Variants in TMEM245 observed in about 807,000 individuals in gnomAD.
TMEM245 encodes the protein transmembrane protein 245, also known as protein CG-2.
In TMEM245, 69 loss-of-function variants were observed where a neutral mutation model predicts 101.2. The ratio of observed to expected loss-of-function variants is 0.68; its 90% CI spans 0.56 to 0.83. The LOEUF (loss-of-function observed/expected upper bound fraction) is 0.83, where lower values mean the gene tolerates loss of function less well. Among genes scored for constraint, TMEM245 ranks in the 40% least tolerant of loss-of-function variants. The pLI, the probability that TMEM245 is intolerant of heterozygous loss-of-function variation, is 0.00. For missense variants in TMEM245, 1,075 were observed against 1,092.8 expected (o/e 0.98, Z 0.23); for synonymous variants, 537 against 449.8 (o/e 1.19, Z -2.45).
chr9:109,074,513 GGAAA>G (rs1829435415), intron 8 of TMEM245, among the ~76,000 whole-genome samples: 1 of 152,114 alleles, frequency 6.6e-6, no homozygotes, highest in Non-Finnish European at 1.5e-5. Context: ...GATGACAGAG[GGAAA>G]GAAAGTGTAA....
intron 8 of TMEM245, among the ~76,000 whole-genome samples, chr9:109,078,206 G>A (rs980209977): frequency 1.3e-5 from 2 of 152,008 alleles, no homozygotes; most frequent in African/African-American, 2.4e-5. Context: ...CCTCTTCTTT[G>A]TGCTATGGTT....
In TMEM245 at chr9:109,093,541, T is replaced by C. The variant is rs761006472; in HGVS notation, c.850A>G (p.Asn284Asp). Residue 284 changes from asparagine to aspartate, a missense_variant, in exon 4 of 18, where the codon AAC becomes GAC. By Grantham distance (23) the Asn-to-Asp change is conservative (BLOSUM62 1). This residue lies in a region of TMEM245 where 808 missense variants were observed against 741.5 expected (regional missense o/e 1.09). Coordinates refer to ENST00000374586, the MANE Select transcript of TMEM245 (RefSeq NM_032012.4). ...VISMAASTLANLAISITGYES... is the reference protein window; with the variant it reads ...VISMAASTLADLAISITGYES... ...TACCCTGTGATAGAGATGGCCAAGT[T>C]TGCCAGAGTAGAAGCTGCCATGGAG... is the stretch of plus-strand genomic sequence containing the variant. 27 of 1,613,994 alleles carry C rather than the reference T, an allele frequency of 1.7e-5. No individual in the cohort carries two copies. The highest frequency in any genetic ancestry group is 2.7e-5 in the African/African-American group (2 of 74,918).
intron 17 of TMEM245, among the ~76,000 whole-genome samples, chr9:109,026,400 T>C (rs1364669099): frequency 6.6e-6 from 1 of 151,980 alleles, no homozygotes; most frequent in Non-Finnish European, 1.5e-5. Context: ...ACATTTGAAC[T>C]GAGATCTGAA....
chr9:109,076,986 G>T (rs906403739), intron 8 of TMEM245, among the ~76,000 whole-genome samples: 2 of 151,978 alleles, frequency 1.3e-5, no homozygotes, highest in Non-Finnish European at 2.9e-5. Flanking sequence ...GTACCACTGT[G>T]CCTTGCCTAA....
chr9:109,090,139 T>C (rs935395827), intron 5 of TMEM245, among the ~76,000 whole-genome samples: 1 of 152,038 alleles, frequency 6.6e-6, no homozygotes, highest in Non-Finnish European at 1.5e-5. Flanking sequence ...CGCATGCCTG[T>C]AGTCCCAGCA....
At chr9:109,109,817 A>G (rs4637915) in intron 1 of TMEM245, among the ~76,000 whole-genome samples, 19,448 of 152,224 alleles carry the variant, frequency 0.13, 1,621 homozygotes, top group Middle Eastern at 0.2. Context: ...AACAAAGACT[A>G]TATAGTTTAA....
chr9:109,087,457 A>G, intron 5 of TMEM245, 115 bp from the exon 6 acceptor site: 1 of 1,067,874 alleles, frequency 9.4e-7, no homozygotes, highest in East Asian at 2.8e-5. Flanking sequence ...AGTATTAAAA[A>G]GAAGATCAAT....
rs1358110383 is a variant in TMEM245, at chr9:109,087,218, C to A, written c.1275G>T (p.Trp425Cys). 15 of 1,612,754 alleles carry A rather than the reference C, an allele frequency of 9.3e-6. No homozygotes were observed. The highest frequency in any genetic ancestry group is 9.3e-6 in the Non-Finnish European group (11 of 1,179,608). The change falls in exon 6 of 18, where the codon TGG becomes TGT. Residue 425 changes from tryptophan (W) to cysteine (C), a missense_variant. By Grantham distance (215) the Trp-to-Cys change is radical. This residue lies in a region of TMEM245 where 808 missense variants were observed against 741.5 expected (regional missense o/e 1.09). Transcript: ENST00000374586. ...AGAATTTTCCAAGCCCGACAATGGG[C>A]CAAGGCGCGAGAGCTCCCTGCCGCT... ...LKERQGALAP[W>C]PIVGLGKFLL...
chr9:109,033,182 T>C (rs1828015980), intron 17 of TMEM245, 125 bp downstream of exon 17: 1 of 1,099,004 alleles, frequency 9.1e-7, no homozygotes. Flanking sequence ...TTCTGCAACC[T>C]TTATCACAGC....
At chr9:109,071,477 G>A (rs1030382792) in intron 9 of TMEM245, among the ~76,000 whole-genome samples, 1 of 151,764 alleles carries the variant, frequency 6.6e-6, no homozygotes, top group Non-Finnish European at 1.5e-5. Flanking sequence ...AGTGGCTCAT[G>A]CCTGTAGTCC....
intron 14 of TMEM245, among the ~76,000 whole-genome samples, chr9:109,048,289 A>C (rs1216185014): frequency 6.6e-6 from 1 of 152,190 alleles, no homozygotes; most frequent in East Asian, 1.9e-4. Flanking sequence ...ACTTAGCAAA[A>C]GTTCTACAGA....
At chr9:109,095,883 T>C (rs1483963049) in intron 3 of TMEM245, among the ~76,000 whole-genome samples, 2 of 152,200 alleles carry the variant, frequency 1.3e-5, no homozygotes, top group African/African-American at 2.4e-5. Flanking sequence ...CATTCTTGCT[T>C]GTCTGGAGAA....
At chr9:109,112,855 A>C (rs1830603593) in intron 1 of TMEM245, among the ~76,000 whole-genome samples, 1 of 152,160 alleles carries the variant, frequency 6.6e-6, no homozygotes, top group Non-Finnish European at 1.5e-5. Context: ...AGATGGGCAG[A>C]TCATGAGGTC....
intron 17 of TMEM245, among the ~76,000 whole-genome samples, chr9:109,021,503 GTTTGTTTGTTTTGT>G (rs1361713224): frequency 3.6e-5 from 4 of 111,252 alleles, no homozygotes; most frequent in Non-Finnish European, 8.1e-5. Flanking sequence ...TTTTTTGTTT[GTTTGTTTGTTTTGT>G]TTTGTTTTGT....
chr9:109,085,078 T>A (rs1829792391), intron 7 of TMEM245, among the ~76,000 whole-genome samples: 2 of 152,362 alleles, frequency 1.3e-5, no homozygotes, highest in African/African-American at 4.8e-5. Flanking sequence ...AATGATGTCA[T>A]CTCTTGCTAT....
chr9:109,084,030 G>C (rs1829762178), intron 7 of TMEM245, among the ~76,000 whole-genome samples: 1 of 146,642 alleles, frequency 6.8e-6, no homozygotes, highest in Non-Finnish European at 1.5e-5. Flanking sequence ...AGTGAGTCAA[G>C]ATCACGTCGC....
intron 17 of TMEM245, among the ~76,000 whole-genome samples, chr9:109,028,610 A>G (rs1827859032): frequency 6.6e-6 from 1 of 152,014 alleles, no homozygotes; most frequent in South Asian, 2.1e-4. Flanking sequence ...GATATAATGA[A>G]TGTCCCTCAT....
intron 10 of TMEM245, among the ~76,000 whole-genome samples, chr9:109,061,771 G>T (rs1165321166): frequency 1.3e-5 from 2 of 152,042 alleles, no homozygotes; most frequent in Admixed American, 1.3e-4. Flanking sequence ...GTTTCACCAT[G>T]TTGGCCAGGC....
intron 1 of TMEM245, 76 bp downstream of exon 1, chr9:109,119,259 A>AG (rs1830822344): frequency 2.2e-6 from 3 of 1,385,048 alleles, no homozygotes; most frequent in Non-Finnish European, 2.9e-6. Flanking sequence ...CTGCACCGGG[A>AG]GGAACAGCTG....
Sources: gnomAD v4.1 joint callset for allele counts (sites outside exome capture counted in the v4.1 genomes callset) on GRCh38, gnomAD v4.1.1 for gene constraint, gnomAD v4.1.1 regional missense constraint, MANE v1.5 for transcripts, NCBI Gene and HGNC (gene_info 2026-07-23, HGNC 2026-07-21) for gene names.